TMEM209: variants seen among roughly 807,000 people sequenced by gnomAD.
TMEM209 encodes the protein testicular tissue protein Li 202.
A neutral mutation model predicts 76.2 loss-of-function variants in TMEM209; 65 were observed. The observed-to-expected ratio is 0.85, with a 90% CI of 0.70 to 1.05. The LOEUF (loss-of-function observed/expected upper bound fraction) is 1.05. Among genes scored for constraint, TMEM209 ranks in the 50% least tolerant of loss-of-function variants. The pLI is 0.00. For missense variants in TMEM209, 623 were observed against 685.5 expected, an observed-to-expected ratio of 0.91 and a Z score of 1.02; for synonymous variants, 239 against 237.6, an observed-to-expected ratio of 1.01 and a Z score of -0.06.
intron 6 of TMEM209, chr7:130,192,383 A>G (rs1289951982): frequency 2.1e-6 from 1 of 470,894 alleles, no homozygotes; most frequent in Non-Finnish European, 3.8e-6. Context: ...TGTAACTTAC[A>G]TTATACGAAA....
intron 10 of TMEM209, among the ~76,000 whole-genome samples, chr7:130,177,845 A>G (rs1797289880): frequency 6.6e-6 from 1 of 152,216 alleles, no homozygotes; most frequent in African/African-American, 2.4e-5. Flanking sequence ...AGAACACTAT[A>G]ATATTTTCAA....
chr7:130,194,139 C>T (rs1797890763), intron 5 of TMEM209, among the ~76,000 whole-genome samples: 1 of 150,798 alleles, frequency 6.6e-6, no homozygotes, highest in Non-Finnish European at 1.5e-5. Context: ...GCGGAGCTTG[C>T]AGTGAGCCGA....
intron 6 of TMEM209, chr7:130,192,389 C>T (rs6969919): frequency 3.2e-4 from 152 of 480,320 alleles, no homozygotes; most frequent in Non-Finnish European, 4.5e-4. Flanking sequence ...TTACATTATA[C>T]GAAAAAGCTT....
chr7:130,186,025 A>G (rs1023053826), intron 6 of TMEM209, among the ~76,000 whole-genome samples: 7 of 152,208 alleles, frequency 4.6e-5, no homozygotes, highest in Admixed American at 3.9e-4. Flanking sequence ...TGTTTTCCCA[A>G]ATAGAATTTG....
chr7:130,181,302 TG>T (rs763013482), intron 9 of TMEM209, among the ~76,000 whole-genome samples: 3 of 152,194 alleles, frequency 2.0e-5, no homozygotes, highest in Non-Finnish European at 4.4e-5. Context: ...TGCAAAGGAC[TG>T]GGAGAAATGT....
intron 11 of TMEM209, 60 bp downstream of exon 11, chr7:130,175,452 A>G: frequency 6.8e-7 from 1 of 1,480,580 alleles, no homozygotes; most frequent in Non-Finnish European, 9.3e-7. Flanking sequence ...ACAGAGTAAG[A>G]CCCTGTGTCA....
At chr7:130,202,732 T>G (rs1361613613) in intron 3 of TMEM209, 69 bp from the exon 4 acceptor site, 4 of 1,498,714 alleles carry the variant, frequency 2.7e-6, no homozygotes, top group Non-Finnish European at 3.6e-6. Flanking sequence ...ACAAAAACCC[T>G]CTATACTTAG....
At position 130,175,620 on chromosome 7, in the gene TMEM209, A is replaced by C; in HGVS notation, c.1247-11T>G. ...CTCCCTGAGATAGTTCTGTGGCAAC[A>C]AGGTGAAATTTTTAAAAGCTAAGAG... On this transcript the variant is annotated splice_polypyrimidine_tract_variant and intron_variant, in intron 10 of 14. Coordinates refer to ENST00000397622, the MANE Select transcript of TMEM209 (RefSeq NM_032842.4). The C allele has an allele frequency of 6.2e-7, 1 of 1,605,396 alleles. No homozygotes were observed. The highest frequency in any genetic ancestry group is 8.5e-7 in the Non-Finnish European group (1 of 1,175,982).
intron 8 of TMEM209, among the ~76,000 whole-genome samples, chr7:130,183,223 A>G (rs1243613507): frequency 6.6e-6 from 1 of 152,168 alleles, no homozygotes; most frequent in Non-Finnish European, 1.5e-5. Context: ...CATCCTTCCA[A>G]CATTTACTAC....
intron 6 of TMEM209, among the ~76,000 whole-genome samples, chr7:130,186,993 A>G (rs887696736): frequency 2.6e-5 from 4 of 152,232 alleles, no homozygotes; most frequent in African/African-American, 9.6e-5. Context: ...CTGTAATCCC[A>G]GCACTTTGGG....
At position 130,204,090 on chromosome 7, in the gene TMEM209, A is replaced by C. The variant is rs781163617; in HGVS notation, c.24T>G (p.Pro8=). ...TGGTTCTGTCAATAAGGGAAGCACT[A>C]GGGTGTGCCTCCCCCTGCATCTATG... The part of the protein sequence containing the change: MMQGEAH[P]SASLIDRTIK... The change falls in exon 2 of 15, where the codon CCT becomes CCG. Residue 8 remains proline, a synonymous_variant. Transcript: ENST00000397622. 6.2e-7 allele frequency: 1 copy of C among 1,611,984 alleles called. No homozygotes were observed. The highest frequency in any genetic ancestry group is 1.1e-5 in the South Asian group (1 of 90,674).
chr7:130,184,494 CTTTT>C (rs67295320), intron 7 of TMEM209, among the ~76,000 whole-genome samples: 6 of 118,120 alleles, frequency 5.1e-5, no homozygotes, highest in Middle Eastern at 3.9e-3. Context: ...ATTTTTCTTG[CTTTT>C]TTTTTTTTTT....
At chr7:130,203,693 A>T in intron 3 of TMEM209, 95 bp downstream of exon 3, 2 of 1,099,026 alleles carry the variant, frequency 1.8e-6, no homozygotes, top group Non-Finnish European at 2.6e-6. Flanking sequence ...GCAGTCAAAT[A>T]CTTGTTGAAT....
At chr7:130,188,595 C>CAAAAAAAAA (rs10649977) in intron 6 of TMEM209, among the ~76,000 whole-genome samples, 4 of 72,704 alleles carry the variant, frequency 5.5e-5, no homozygotes, top group African/African-American at 1.4e-4. Flanking sequence ...GACTCCGTAT[C>CAAAAAAAAA]AAAAAAAAAA....
chr7:130,173,074 T>C (rs1584666706), intron 13 of TMEM209, among the ~76,000 whole-genome samples: 1 of 151,884 alleles, frequency 6.6e-6, no homozygotes, highest in East Asian at 1.9e-4. Context: ...AAGCTAATAT[T>C]TAAAAGCAGA....
In TMEM209 at chr7:130,178,531, T is replaced by C; in HGVS notation, c.1121-4A>G. 1 of 1,612,960 alleles carries C rather than the reference T, an allele frequency of 6.2e-7. No homozygotes were observed. Among genetic ancestry groups the C allele is most frequent in the African/African-American group, 1.3e-5 (1 of 74,986 alleles). ...TTCAAGCTAGTAATACTAGCCTCTG[T>C]TAACATAAAACACAGAGAACACTGA... is the stretch of plus-strand genomic sequence containing the variant. On this transcript the variant is annotated splice_polypyrimidine_tract_variant and splice_region_variant and intron_variant, in intron 9 of 14. Transcript: ENST00000397622.
In TMEM209 at chr7:130,166,149, T is replaced by G. The variant is rs1260686278; in HGVS notation, c.*302A>C. Reference sequence around the variant, plus strand: ...TACAATGAAAAAAAGACTCAAAATCTATTTCATTAAGGGGAATGGCACTAT... The same window carrying G: ...TACAATGAAAAAAAGACTCAAAATCGATTTCATTAAGGGGAATGGCACTAT... On this transcript the variant is annotated 3_prime_UTR_variant, in exon 15 of 15. Transcript: ENST00000397622. 2.7e-5 allele frequency: 6 copies of G among 218,864 alleles called. No homozygotes were observed. The East Asian group carries it at 5.8e-4, about 21-fold the overall frequency. The allele number at this position is 218,864 out of a possible 1,614,324, so 13.6% of individuals were successfully genotyped here.
chr7:130,181,507 C>T (rs1328786225), intron 9 of TMEM209, 116 bp downstream of exon 9: 20 of 768,366 alleles, frequency 2.6e-5, no homozygotes, highest in Admixed American at 1.5e-4. Context: ...AGATTATAGA[C>T]ATTTGGGGTT....
chr7:130,186,331 A>G (rs983634279), intron 6 of TMEM209, among the ~76,000 whole-genome samples: 1 of 152,226 alleles, frequency 6.6e-6, no homozygotes, highest in African/African-American at 2.4e-5. Context: ...GGTATGTAGC[A>G]ATATAATTCA....
Sources: allele counts gnomAD v4.1 joint callset (sites outside exome capture counted in the v4.1 genomes callset), GRCh38; gene constraint gnomAD v4.1.1; transcripts MANE v1.5; gene names NCBI Gene and HGNC (gene_info 2026-07-23, HGNC 2026-07-21).